Variants in KDM6A observed in about 807,000 individuals in gnomAD.
The protein encoded by KDM6A is lysine-specific demethylase 6A.
A neutral mutation model predicts 117.6 loss-of-function variants in KDM6A; 11 were observed. That is an observed-to-expected ratio of 0.09 (90% CI 0.06 to 0.15). The LOEUF is 0.15. Among genes scored for constraint, KDM6A ranks in the 10% least tolerant of loss-of-function variants. The pLI is 1.00. For missense variants in KDM6A, 799 were observed against 1,077.3 expected, an observed-to-expected ratio of 0.74 and a Z score of 3.62; for synonymous variants, 384 against 396.1, an observed-to-expected ratio of 0.97 and a Z score of 0.36.
At chrX:44,891,170 T>C (rs2033330842) in intron 2 of KDM6A, among the ~76,000 whole-genome samples, 1 of 111,759 alleles carries the variant, frequency 8.9e-6, no homozygotes, top group African/African-American at 3.3e-5. Context: ...CAAAGGTTTT[T>C]AATTTATTGT....
rs2045826201 is a variant in KDM6A, at chrX:45,090,063, G to A, written c.3892+133G>A. ...GACTCCTTGCATAGAATTGTAATTC[G>A]TAGTACAACAAATTAAATTCAAGTT... is the stretch of plus-strand genomic sequence containing the variant. On this transcript the variant is annotated intron_variant, in intron 26 of 29. Transcript: ENST00000611820. 1.4e-5 allele frequency: 7 copies of A among 486,925 alleles called. No individual in the cohort carries two copies. In the East Asian group the frequency reaches 1.9e-4, roughly 13 times the overall value. The allele number at this position is 486,925 out of a possible 1,213,427, so 40.1% of individuals were successfully genotyped here. A position where few individuals can be genotyped will look rare whatever the true frequency, so the allele number is the denominator to read the frequency against.
At chrX:45,044,303 G>A (rs906758225) in intron 8 of KDM6A, among the ~76,000 whole-genome samples, 1 of 111,579 alleles carries the variant, frequency 9.0e-6, no homozygotes, top group African/African-American at 3.3e-5. Context: ...TAGTATTAAC[G>A]GGGCTTCTTT....
intron 3 of KDM6A, among the ~76,000 whole-genome samples, chrX:44,965,905 G>T (rs961950601): frequency 9.0e-6 from 1 of 111,334 alleles, no homozygotes; most frequent in Non-Finnish European, 1.9e-5. Context: ...ATAAAACAGG[G>T]TATGCCTGTA....
In KDM6A at chrX:45,058,990, T is replaced by TTC. The variant is rs2044196520; in HGVS notation, c.876-16_876-15insTC. On this transcript the variant is annotated splice_polypyrimidine_tract_variant and intron_variant, in intron 10 of 29. Coordinates refer to ENST00000611820, the MANE Select transcript of KDM6A (RefSeq NM_001291415.2). ...GAATTCTCTTGATTTTTTTTTTTTTTCCCTTCCCTTCTCAGGTGCTATTCA... is the reference window on the plus strand; with the variant it reads ...GAATTCTCTTGATTTTTTTTTTTTTTTCCCCTTCCCTTCTCAGGTGCTATTCA... The TTC allele has an allele frequency of 8.8e-7, 1 of 1,137,849 alleles. No homozygotes were observed. The highest frequency in any genetic ancestry group is 1.8e-5 in the African/African-American group (1 of 54,968). The allele number at this position is 1,137,849 out of a possible 1,213,427, so 93.8% of individuals were successfully genotyped here.
intron 2 of KDM6A, among the ~76,000 whole-genome samples, chrX:44,884,062 A>C (rs1336808316): frequency 1.0e-5 from 1 of 97,052 alleles, no homozygotes; most frequent in African/African-American, 3.8e-5. Flanking sequence ...AGATTGCACC[A>C]CTGCACTCCA....
intron 2 of KDM6A, among the ~76,000 whole-genome samples, chrX:44,900,161 C>G (rs774135449): frequency 8.9e-6 from 1 of 112,134 alleles, no homozygotes; most frequent in Non-Finnish European, 1.9e-5. Context: ...CCAAATATAC[C>G]AGTATAACAT....
At chrX:44,933,973 A>G (rs1032924215) in intron 2 of KDM6A, among the ~76,000 whole-genome samples, 2 of 112,541 alleles carry the variant, frequency 1.8e-5, no homozygotes, top group Admixed American at 1.9e-4. Context: ...TAAATAAACA[A>G]TGTTTACTAT....
rs2045274338 is a variant in KDM6A, at chrX:45,079,175, G to A, written c.3124G>A (p.Val1042Met). 14 of 1,209,701 alleles carry A rather than the reference G, an allele frequency of 1.2e-5. No individual in the cohort carries two copies. The highest frequency in any genetic ancestry group is 1.3e-5 in the Non-Finnish European group (12 of 894,020). Residue 1042 changes from valine (V) to methionine (M), a missense_variant, in exon 21 of 30, where the codon GTG becomes ATG. Val to Met is a conservative substitution (Grantham distance 21, BLOSUM62 1). Transcript: ENST00000611820. ...DLGLFSTKTL[V>M]EANNEHMVEV... Reference sequence around the variant, plus strand: ...GGGACTTTTCTCTACTAAAACTTTGGTGGAAGCTAACAATGAACATATGGT... The same window carrying A: ...GGGACTTTTCTCTACTAAAACTTTGATGGAAGCTAACAATGAACATATGGT...
Position 44,873,499 on chromosome X carries a change from C to A in KDM6A, c.-53C>A. On this transcript the variant is annotated 5_prime_UTR_variant, in exon 1 of 30. Coordinates refer to ENST00000611820, the MANE Select transcript of KDM6A (RefSeq NM_001291415.2). ...CGCAGATTGGGGGCGTCACTGCGGG[C>A]CCCGGTCCGAGGGGGGGTGTCGGCG... The A allele has an allele frequency of 3.3e-6, 4 of 1,205,927 alleles. No homozygotes were observed. The East Asian group carries it at 8.9e-5, about 27-fold the overall frequency.
chrX:44,876,319 C>T (rs941979223), intron 2 of KDM6A, among the ~76,000 whole-genome samples: 5 of 111,546 alleles, frequency 4.5e-5, no homozygotes, highest in African/African-American at 6.5e-5. Context: ...AACTTCGCAC[C>T]CTCTGTTTGA....
At position 45,111,933 on chromosome X, in the gene KDM6A, C is replaced by CT. The variant is rs1336782807; in HGVS notation, c.*526dup. ...TTGTTTTGAGACCATGATGGTTACA[C>CT]TTTTGGTTCCTAAATAAAATTTAAA... is the stretch of plus-strand genomic sequence containing the variant. On this transcript the variant is annotated 3_prime_UTR_variant, in exon 30 of 30. Transcript: ENST00000611820. 2.4e-5 allele frequency: 4 copies of CT among 169,814 alleles called. No individual in the cohort carries two copies. The highest frequency in any genetic ancestry group is 1.1e-5 in the Non-Finnish European group (1 of 89,024). The allele number at this position is 169,814 out of a possible 1,213,427, so 14.0% of individuals were successfully genotyped here. A position where few individuals can be genotyped will look rare whatever the true frequency, so the allele number is the denominator to read the frequency against.
intron 24 of KDM6A, among the ~76,000 whole-genome samples, chrX:45,083,852 A>G (rs1331441533): frequency 6.3e-5 from 7 of 111,542 alleles, no homozygotes; most frequent in Admixed American, 2.9e-4. Context: ...ACCACTGGGA[A>G]ATAAGTTCTT....
intron 2 of KDM6A, among the ~76,000 whole-genome samples, chrX:44,913,775 C>T (rs781437454): frequency 5.4e-5 from 6 of 110,839 alleles, no homozygotes; most frequent in African/African-American, 2.0e-4. Flanking sequence ...CGCACACACA[C>T]ATATATTCCA....
At chrX:45,002,307 A>C (rs1333125628) in intron 4 of KDM6A, among the ~76,000 whole-genome samples, 2 of 111,393 alleles carry the variant, frequency 1.8e-5, no homozygotes, top group African/African-American at 3.3e-5. Context: ...TCTGACCATA[A>C]GGTAAAATTT....
At chrX:45,087,827 TAGAA>T (rs1046922656) in intron 25 of KDM6A, among the ~76,000 whole-genome samples, 2 of 111,598 alleles carry the variant, frequency 1.8e-5, no homozygotes, top group Non-Finnish European at 3.8e-5. Context: ...AATATCAAGT[TAGAA>T]GGAAGGGTTA....
chrX:44,886,739 C>T (rs2032923552), intron 2 of KDM6A, among the ~76,000 whole-genome samples: 1 of 109,819 alleles, frequency 9.1e-6, no homozygotes, highest in African/African-American at 3.3e-5. Context: ...GATCCACCCG[C>T]CTCTGCCTCC....
chrX:44,966,213 T>C (rs2039002461), intron 3 of KDM6A, among the ~76,000 whole-genome samples: 1 of 110,129 alleles, frequency 9.1e-6, no homozygotes, highest in African/African-American at 3.3e-5. Context: ...AGAAACATGG[T>C]TCACTGCAGC....
At chrX:44,923,685 C>G (rs2036123619) in intron 2 of KDM6A, among the ~76,000 whole-genome samples, 1 of 108,935 alleles carries the variant, frequency 9.2e-6, no homozygotes, top group African/African-American at 3.4e-5. Context: ...GCTGGGATTA[C>G]AGGCATGCGC....
chrX:45,071,963 C>T (rs1038818172), intron 18 of KDM6A, among the ~76,000 whole-genome samples: 10 of 110,837 alleles, frequency 9.0e-5, no homozygotes, highest in Admixed American at 5.8e-4. Flanking sequence ...TTAGTAGAGA[C>T]GGGGTTTCTC....
Sources: allele counts gnomAD v4.1 joint callset (sites outside exome capture counted in the v4.1 genomes callset), GRCh38; gene constraint gnomAD v4.1.1; transcripts MANE v1.5; gene names NCBI Gene and HGNC (gene_info 2026-07-23, HGNC 2026-07-21).